The following WWOX variants were observed in gnomAD, a reference collection of about 807,000 sequenced individuals.
WWOX encodes WW domain-containing oxidoreductase.
A neutral mutation model predicts 46.2 loss-of-function variants in WWOX; 69 were observed. The observed-to-expected ratio is 1.49, with a 90% CI of 1.23 to 1.82. WWOX has a LOEUF of 1.82. Ranked by LOEUF, WWOX falls within the 40% of genes most tolerant of loss-of-function variation. The pLI is 0.00. For missense variants in WWOX, 919 were observed against 542.6 expected (o/e 1.69, Z -6.89); for synonymous variants, 359 against 202.6 (o/e 1.77, Z -6.56).
At chr16:78,984,774 C>T (rs931508617) in intron 8 of WWOX, among the ~76,000 whole-genome samples, 1 of 152,142 alleles carries the variant, frequency 6.6e-6, no homozygotes, top group African/African-American at 2.4e-5. Context: ...GTGATTTCCT[C>T]TGTGGTGTCT....
chr16:78,215,292 C>T (rs2036683860), intron 5 of WWOX, among the ~76,000 whole-genome samples: 1 of 152,108 alleles, frequency 6.6e-6, no homozygotes, highest in African/African-American at 2.4e-5. Flanking sequence ...TTGGCTGTGT[C>T]CCCACCCAAA....
At chr16:78,580,120 C>G (rs2045012183) in intron 8 of WWOX, among the ~76,000 whole-genome samples, 1 of 150,712 alleles carries the variant, frequency 6.6e-6, no homozygotes, top group Non-Finnish European at 1.5e-5. Context: ...GTCACCCAGG[C>G]TGGAGTGCAG....
Position 78,653,523 on chromosome 16 carries a change from G to T in WWOX, c.1056+220771G>T, listed in dbSNP as rs192041813. On this transcript the variant is annotated intron_variant, in intron 8 of 8. Transcript: ENST00000566780. Reference sequence around the variant, plus strand: ...GATATGGAGGGTGCTTATGAGGAAGGTTTCCTACTCCTAAAAGAGATACAC... The same window carrying T: ...GATATGGAGGGTGCTTATGAGGAAGTTTTCCTACTCCTAAAAGAGATACAC... Among the ~76,000 whole-genome samples, 37 of 152,314 alleles carry T rather than the reference G, an allele frequency of 2.4e-4. No individual in the cohort carries two copies. In the East Asian group the frequency reaches 5.6e-3, roughly 23 times the overall value.
At chr16:78,626,650 C>T (rs1364991815) in intron 8 of WWOX, among the ~76,000 whole-genome samples, 1 of 152,160 alleles carries the variant, frequency 6.6e-6, no homozygotes, top group Non-Finnish European at 1.5e-5. Context: ...CTACTTTCCA[C>T]ACTGCTGCCT....
chr16:78,957,687 G>T (rs920645202), intron 8 of WWOX, among the ~76,000 whole-genome samples: 2 of 152,190 alleles, frequency 1.3e-5, no homozygotes, highest in African/African-American at 4.8e-5. Flanking sequence ...TTTTCAAGCA[G>T]TTGTTTGATT....
At chr16:78,493,959 T>G (rs999804249) in intron 8 of WWOX, among the ~76,000 whole-genome samples, 1 of 152,228 alleles carries the variant, frequency 6.6e-6, no homozygotes, top group Non-Finnish European at 1.5e-5. Flanking sequence ...ATTAGTCGAT[T>G]CTCACACTGC....
intron 8 of WWOX, among the ~76,000 whole-genome samples, chr16:78,913,852 G>A (rs117646850): frequency 0.027 from 4,174 of 151,882 alleles, 228 homozygotes; most frequent in East Asian, 0.18. Flanking sequence ...GTAGATACGG[G>A]GTCTTGCTAT....
At chr16:78,266,334 C>G (rs1025590400) in intron 5 of WWOX, among the ~76,000 whole-genome samples, 1 of 152,172 alleles carries the variant, frequency 6.6e-6, no homozygotes, top group African/African-American at 2.4e-5. Context: ...GAACACAGCC[C>G]TACACACCTT....
intron 5 of WWOX, among the ~76,000 whole-genome samples, chr16:78,255,559 C>T (rs945325904): frequency 6.6e-6 from 1 of 152,108 alleles, no homozygotes; most frequent in South Asian, 2.1e-4. Flanking sequence ...CTATAGGGGG[C>T]ATGTTTACTC....
intron 8 of WWOX, among the ~76,000 whole-genome samples, chr16:78,962,614 C>T (rs955500718): frequency 6.6e-6 from 1 of 152,116 alleles, no homozygotes; most frequent in African/African-American, 2.4e-5. Context: ...GGAGGGCATT[C>T]AGAAAATGTG....
intron 8 of WWOX, among the ~76,000 whole-genome samples, chr16:78,920,556 C>T (rs1335540878): frequency 6.6e-6 from 1 of 152,134 alleles, no homozygotes; most frequent in African/African-American, 2.4e-5. Context: ...TTTCCAAGTT[C>T]CCTGCCCTTG....
chr16:78,572,170 C>T (rs1274314983), intron 8 of WWOX, among the ~76,000 whole-genome samples: 2 of 152,158 alleles, frequency 1.3e-5, no homozygotes, highest in African/African-American at 4.8e-5. Context: ...GAAAGTCCTC[C>T]AAAAGCCGTC....
intron 5 of WWOX, among the ~76,000 whole-genome samples, chr16:78,309,992 C>A (rs923236981): frequency 6.6e-6 from 1 of 152,114 alleles, no homozygotes; most frequent in South Asian, 2.1e-4. Flanking sequence ...CATTAATACG[C>A]ATTTAGTTAC....
At chr16:78,672,419 G>C (rs1194334357) in intron 8 of WWOX, among the ~76,000 whole-genome samples, 1 of 152,192 alleles carries the variant, frequency 6.6e-6, no homozygotes, top group Non-Finnish European at 1.5e-5. Context: ...GTATGGATTG[G>C]TGATTTTGAC....
chr16:78,875,612 G>A (rs573373653), intron 8 of WWOX, among the ~76,000 whole-genome samples: 4 of 152,146 alleles, frequency 2.6e-5, no homozygotes, highest in East Asian at 1.9e-4. Flanking sequence ...GGTGAGTATC[G>A]TCAGAATCCC....
intron 8 of WWOX, among the ~76,000 whole-genome samples, chr16:79,069,888 C>G (rs1352015391): frequency 2.0e-5 from 3 of 152,128 alleles, no homozygotes; most frequent in African/African-American, 7.2e-5. Context: ...TGAAAAACAC[C>G]TTGTTTCAAA....
intron 8 of WWOX, chr16:78,891,372 T>C (rs1421475344): frequency 6.6e-6 from 1 of 152,196 alleles, no homozygotes; most frequent in African/African-American, 2.4e-5. Context: ...ATTAAGTTAT[T>C]TTTATAATGA....
rs1157278237 is a variant in WWOX, at chr16:78,140,524, C to T, written c.410-23659C>T. ...TAAAATGTGTAGGGAAGGACCCTTCCTTGCCTCTTTCAGCTTCTGGTAGCC... is the reference window on the plus strand; with the variant it reads ...TAAAATGTGTAGGGAAGGACCCTTCTTTGCCTCTTTCAGCTTCTGGTAGCC... On this transcript the variant is annotated intron_variant, in intron 4 of 8. Transcript: ENST00000566780. 2.0e-5 allele frequency among the ~76,000 whole-genome samples: 3 copies of T among 151,952 alleles called. No homozygotes were observed. The East Asian group carries it at 5.8e-4, about 29-fold the overall frequency.
intron 8 of WWOX, among the ~76,000 whole-genome samples, chr16:79,050,240 C>T (rs2048141148): frequency 6.6e-6 from 1 of 152,178 alleles, no homozygotes; most frequent in Non-Finnish European, 1.5e-5. Flanking sequence ...GGGCTTCCCC[C>T]TGTGTCTGTG....
Sources: allele counts gnomAD v4.1 joint callset (sites outside exome capture counted in the v4.1 genomes callset), GRCh38; gene constraint gnomAD v4.1.1; transcripts MANE v1.5; gene names NCBI Gene and HGNC (gene_info 2026-07-23, HGNC 2026-07-21).